Variants in LRRC4C observed in about 807,000 individuals in gnomAD.
LRRC4C encodes leucine rich repeat containing 4C.
Under a neutral mutation model 33.6 loss-of-function variants are expected in LRRC4C, and 5 were observed. The observed-to-expected ratio is 0.15, with a 90% CI of 0.08 to 0.31. The LOEUF (loss-of-function observed/expected upper bound fraction) is 0.31, where lower values mean the gene tolerates loss of function less well. Among genes scored for constraint, LRRC4C ranks in the 10% least tolerant of loss-of-function variants. LRRC4C has a pLI of 1.00. For synonymous variants in LRRC4C, 329 were observed against 302.0 expected (o/e 1.09, Z -0.93); for missense variants, 560 against 796.7 (o/e 0.70, Z 3.58).
At chr11:40,806,059 A>G (rs1189526947) in intron 2 of LRRC4C, among the ~76,000 whole-genome samples, 1 of 152,190 alleles carries the variant, frequency 6.6e-6, no homozygotes, top group Non-Finnish European at 1.5e-5. Flanking sequence ...TTTGCTACGT[A>G]TAATTTCTAA....
intron 1 of LRRC4C, among the ~76,000 whole-genome samples, chr11:40,975,189 T>G (rs1392013734): frequency 6.6e-6 from 1 of 152,236 alleles, no homozygotes; most frequent in Non-Finnish European, 1.5e-5. Context: ...AGCATTATTT[T>G]CATTAAACAA....
intron 6 of LRRC4C, among the ~76,000 whole-genome samples, chr11:40,135,549 T>C (rs1415258535): frequency 6.6e-6 from 1 of 152,184 alleles, no homozygotes; most frequent in African/African-American, 2.4e-5. Context: ...AGGAGCTGGG[T>C]CCTTATGGTA....
chr11:40,997,346 C>A (rs1341768329), intron 1 of LRRC4C, among the ~76,000 whole-genome samples: 1 of 152,016 alleles, frequency 6.6e-6, no homozygotes, highest in African/African-American at 2.4e-5. Context: ...ATGAGAGAGG[C>A]ACTTCTGAAG....
chr11:40,349,721 C>G (rs888862976), intron 3 of LRRC4C, among the ~76,000 whole-genome samples: 1 of 152,090 alleles, frequency 6.6e-6, no homozygotes, highest in Non-Finnish European at 1.5e-5. Flanking sequence ...TCTCCACATT[C>G]TTGCCAGCAT....
intron 1 of LRRC4C, among the ~76,000 whole-genome samples, chr11:41,340,050 A>G (rs2137456476): frequency 6.6e-6 from 1 of 152,286 alleles, no homozygotes; most frequent in Admixed American, 6.5e-5. Context: ...TTAGAAGAGG[A>G]AGGTAATTAT....
At chr11:41,022,669 T>C (rs4539314) in intron 1 of LRRC4C, among the ~76,000 whole-genome samples, 92,400 of 151,786 alleles carry the variant, frequency 0.61, 28,817 homozygotes, top group Non-Finnish European at 0.67. Flanking sequence ...TCAATGGTCA[T>C]ACTGGTCTAG....
At chr11:41,117,184 C>G (rs551340842) in intron 1 of LRRC4C, among the ~76,000 whole-genome samples, 1 of 152,286 alleles carries the variant, frequency 6.6e-6, no homozygotes, top group East Asian at 1.9e-4. Context: ...CTGCAGTTGA[C>G]TGCTGACAGG....
intron 1 of LRRC4C, among the ~76,000 whole-genome samples, chr11:41,170,335 C>T (rs11036268): frequency 0.033 from 5,069 of 152,220 alleles, 120 homozygotes; most frequent in East Asian, 0.07. Context: ...GGAGGCATCA[C>T]GCTACCTGAC....
chr11:40,896,266 C>A (rs541115847), intron 2 of LRRC4C, among the ~76,000 whole-genome samples: 5 of 152,252 alleles, frequency 3.3e-5, no homozygotes, highest in African/African-American at 1.2e-4. Flanking sequence ...TTGCCCTGCA[C>A]ACTGTAGGAA....
intron 2 of LRRC4C, among the ~76,000 whole-genome samples, chr11:40,925,867 G>A (rs16935149): frequency 0.059 from 8,909 of 152,100 alleles, 382 homozygotes; most frequent in Admixed American, 0.15. Context: ...ATTCTAAAAC[G>A]AAATATACAA....
intron 5 of LRRC4C, among the ~76,000 whole-genome samples, chr11:40,164,873 T>C (rs1189792386): frequency 1.3e-5 from 2 of 152,214 alleles, no homozygotes; most frequent in Non-Finnish European, 2.9e-5. Context: ...CATAAATTGG[T>C]ACAATTATTA....
chr11:41,047,498 T>C (rs1857855966), intron 1 of LRRC4C, among the ~76,000 whole-genome samples: 1 of 152,184 alleles, frequency 6.6e-6, no homozygotes, highest in Non-Finnish European at 1.5e-5. Context: ...TGCACAATCT[T>C]GTGATTTGAC....
rs540837523 is a variant in LRRC4C at position 40,410,989 on chromosome 11, C to T, written c.-269-91268G>A. ...ACCACATCTTACTTAAGTAGGTTTT[C>T]TCCCTTGCTTTCTTGTTTATGTGTT... On this transcript the variant is annotated intron_variant, in intron 3 of 6. Transcript: ENST00000528697. Among the ~76,000 whole-genome samples, 730 of 152,062 alleles carry T rather than the reference C, an allele frequency of 4.8e-3. 5 individuals are homozygous for T. Among genetic ancestry groups the T allele is most frequent in the Middle Eastern group, 0.017 (5 of 294 alleles).
chr11:40,295,036 C>G (rs2136618625), intron 4 of LRRC4C, among the ~76,000 whole-genome samples: 1 of 152,230 alleles, frequency 6.6e-6, no homozygotes, highest in Non-Finnish European at 1.5e-5. Flanking sequence ...ACATCCAGGA[C>G]AGCTTGACAA....
intron 5 of LRRC4C, among the ~76,000 whole-genome samples, chr11:40,237,818 C>T (rs920795683): frequency 2.0e-5 from 3 of 152,064 alleles, no homozygotes; most frequent in South Asian, 4.1e-4. Context: ...AATAATATCA[C>T]GATATCCTAT....
intron 1 of LRRC4C, among the ~76,000 whole-genome samples, chr11:41,032,627 TA>T (rs1856795878): frequency 6.6e-6 from 1 of 152,026 alleles, no homozygotes; most frequent in African/African-American, 2.4e-5. Flanking sequence ...GTACAGATAT[TA>T]AAATGTTGAA....
rs531882055 is a variant in LRRC4C, at chr11:40,520,916, A to G, written c.-270+127226T>C. Among the ~76,000 whole-genome samples the G allele has an allele frequency of 2.0e-5, 3 of 152,280 alleles. No individual in the cohort carries two copies. The East Asian group carries it at 5.8e-4, about 29-fold the overall frequency. ...TATATTGATGGTATATACTCAACCC[A>G]GGGATATAGGTTATTAATATTTTCA... On this transcript the variant is annotated intron_variant, in intron 3 of 6. Transcript: ENST00000528697.
chr11:40,694,465 A>G (rs1170491456), intron 2 of LRRC4C, among the ~76,000 whole-genome samples: 1 of 152,186 alleles, frequency 6.6e-6, no homozygotes, highest in Non-Finnish European at 1.5e-5. Context: ...TCCACCAATG[A>G]GTATAATTCA....
At chr11:40,984,385 AAGAAAGAAAG>A (rs1342630865) in intron 1 of LRRC4C, among the ~76,000 whole-genome samples, 10 of 136,146 alleles carry the variant, frequency 7.3e-5, no homozygotes, top group African/African-American at 3.4e-4. Context: ...GAAAGAAAGA[AAGAAAGAAAG>A]AAAGAAAGAA....
Sources: allele counts gnomAD v4.1 joint callset (sites outside exome capture counted in the v4.1 genomes callset), GRCh38; gene constraint gnomAD v4.1.1; transcripts MANE v1.5; gene names NCBI Gene and HGNC (gene_info 2026-07-23, HGNC 2026-07-21).